Variants in ASIC5 observed in about 807,000 individuals in gnomAD.
ASIC5 encodes the protein bile acid-sensitive ion channel.
Under a neutral mutation model 51.2 loss-of-function variants are expected in ASIC5, and 52 were observed. The observed-to-expected ratio is 1.02, with a 90% CI of 0.81 to 1.28. The LOEUF (loss-of-function observed/expected upper bound fraction) is 1.28. ASIC5 is among the 50% of genes most tolerant of loss of function. The pLI is 0.00. For missense variants in ASIC5, 635 were observed against 595.0 expected, an observed-to-expected ratio of 1.07 and a Z score of -0.70; for synonymous variants, 231 against 200.7, an observed-to-expected ratio of 1.15 and a Z score of -1.28.
At chr4:155,865,876 C>T (rs1175194833) in intron 1 of ASIC5, among the ~76,000 whole-genome samples, 1 of 151,968 alleles carries the variant, frequency 6.6e-6, no homozygotes, top group Non-Finnish European at 1.5e-5. Context: ...ATCAAATCAG[C>T]TTTGTTACAT....
intron 2 of ASIC5, 69 bp from the exon 3 acceptor site, chr4:155,854,383 A>C: frequency 9.2e-7 from 1 of 1,091,450 alleles, no homozygotes; most frequent in East Asian, 2.4e-5. Context: ...ACAGATACCA[A>C]CATCTAGATT....
intron 1 of ASIC5, chr4:155,864,624 G>T (rs950482884): frequency 6.6e-6 from 1 of 152,102 alleles, no homozygotes; most frequent in Non-Finnish European, 1.5e-5. Context: ...CTTATAACCT[G>T]CACAACTTTA....
chr4:155,858,268 A>G (rs941675425), intron 2 of ASIC5, among the ~76,000 whole-genome samples: 5 of 152,076 alleles, frequency 3.3e-5, no homozygotes, highest in African/African-American at 4.8e-5. Flanking sequence ...ATTTCTGCCA[A>G]TTGTATTCTT....
At position 155,863,525 on chromosome 4, in the gene ASIC5, C is replaced by T; in HGVS notation, c.270G>A (p.Trp90Ter). 6.2e-7 allele frequency: 1 copy of T among 1,613,664 alleles called. No homozygotes were observed. Residue 90 changes from tryptophan (W) to a stop codon, truncating the protein, a stop_gained, in exon 2 of 10, where the codon TGG becomes TGA. Transcript: ENST00000537611. LOFTEE classifies it high-confidence loss of function. ...GAACCTCAATGGACGTTGTGGTTGGCCATGTGAAGTAGTTGAGCAAGCGAA... is the reference window on the plus strand; with the variant it reads ...GAACCTCAATGGACGTTGTGGTTGGTCATGTGAAGTAGTTGAGCAAGCGAA... ...IYIRLLNYFT[W>*]PTTTSIEVQY...
At chr4:155,863,930 A>T (rs1316886266) in intron 1 of ASIC5, among the ~76,000 whole-genome samples, 176 bp from the exon 2 acceptor site, 1 of 152,192 alleles carries the variant, frequency 6.6e-6, no homozygotes, top group East Asian at 1.9e-4. Context: ...CAAGAAGTGT[A>T]AGTGTTGGCT....
chr4:155,863,690 C>G lies in ASIC5; in HGVS notation c.105G>C (p.Lys35Asn), dbSNP rs762956499. The change falls in exon 2 of 10, where the codon AAG becomes AAC. Residue 35 changes from lysine (K) to asparagine (N), a missense_variant. Lys to Asn is a moderately conservative substitution (Grantham distance 94, BLOSUM62 0). Transcript: ENST00000537611. ...KKPLPSPTER[K>N]KFDHDFAIST... ...AGATGGCAAAGTCATGGTCAAACTT[C>G]TTTCGCTCAGTGGGAGATGGCAGTG... The G allele has an allele frequency of 6.2e-7, 1 of 1,613,964 alleles. No homozygotes were observed.
rs563612573 is a variant in ASIC5 at position 155,836,676 on chromosome 4, C to T, written c.1235+13G>A. On this transcript the variant is annotated intron_variant, in intron 8 of 9. Transcript: ENST00000537611. ...TGTTAATTATCAATAATTTAAAAGG[C>T]TAGTAAGGTTACCTGATGTATTTCC... is the stretch of plus-strand genomic sequence containing the variant. 20 of 1,544,488 alleles carry T rather than the reference C, an allele frequency of 1.3e-5. No individual in the cohort carries two copies. Among genetic ancestry groups the T allele is most frequent in the Admixed American group, 5.3e-5 (3 of 56,450 alleles).
rs1176439497 is a variant in ASIC5, at chr4:155,854,272, G to GA, written c.389dup (p.Trp132MetfsTer21). On this transcript the variant is annotated frameshift_variant, in exon 3 of 10. Coordinates refer to ENST00000537611, the MANE Select transcript of ASIC5 (RefSeq NM_017419.3). LOFTEE classifies it high-confidence loss of function. ...GGACTTTGGATACAATGTGCCATAAGAAAAAAATAACACCAAATTTGGCTA... is the reference window on the plus strand; with the variant it reads ...GGACTTTGGATACAATGTGCCATAAGAAAAAAAATAACACCAAATTTGGCTA... 10 of 1,612,796 alleles carry GA rather than the reference G, an allele frequency of 6.2e-6. No individual in the cohort carries two copies. The highest frequency in any genetic ancestry group is 8.5e-6 in the Non-Finnish European group (10 of 1,179,320).
At chr4:155,834,923 A>C (rs948472956) in intron 8 of ASIC5, among the ~76,000 whole-genome samples, 1 of 151,998 alleles carries the variant, frequency 6.6e-6, no homozygotes, top group African/African-American at 2.4e-5. Context: ...TCAGAGAAGA[A>C]TCTAGTCACA....
In ASIC5 at chr4:155,843,708, G is replaced by GTGCA. The variant is rs756623358; in HGVS notation, c.830_833dup (p.Val281LysfsTer22). 8.7e-6 allele frequency: 14 copies of GTGCA among 1,613,428 alleles called. No homozygotes were observed. The South Asian group carries it at 1.5e-4, about 18-fold the overall frequency. Reference sequence around the variant, plus strand: ...TCACTTGGCGGATGGTTACCCTTGCGTGCATTCCCACAGGTGACAACAAGC... The same window carrying GTGCA: ...TCACTTGGCGGATGGTTACCCTTGCGTGCATGCATTCCCACAGGTGACAACAAGC... On this transcript the variant is annotated frameshift_variant, in exon 5 of 10. Transcript: ENST00000537611. LOFTEE classifies it high-confidence loss of function.
rs376616677 is a variant in ASIC5 at position 155,852,214 on chromosome 4, T to G, written c.688A>C (p.Ser230Arg). The change falls in exon 4 of 10, where the codon AGC becomes CGC. Residue 230 changes from serine (S) to arginine (R), a missense_variant. Transcript: ENST00000537611. The part of the protein sequence containing the change: ...RKVSVSGRGL[S>R]LLFNVNQEAF... ...ACCTGATTCACATTGAAGAGTAAGCTCAAACCTCTTCCAGAGACACTCACT... is the reference window on the plus strand; with the variant it reads ...ACCTGATTCACATTGAAGAGTAAGCGCAAACCTCTTCCAGAGACACTCACT... The G allele has an allele frequency of 4.3e-6, 7 of 1,611,540 alleles. No homozygotes were observed. The highest frequency in any genetic ancestry group is 5.9e-6 in the Non-Finnish European group (7 of 1,178,676).
In ASIC5 at chr4:155,863,624, C is replaced by T. The variant is rs1741779040; in HGVS notation, c.171G>A (p.Arg57=). 1 of 1,613,742 alleles carries T rather than the reference C, an allele frequency of 6.2e-7. No individual in the cohort carries two copies. Among genetic ancestry groups the T allele is most frequent in the Non-Finnish European group, 8.5e-7 (1 of 1,179,900 alleles). ...ACCAGAGCACCCTGCGAATTTTGCT[C>T]CGGTTCTGAACAATATTGTGTATCC... ...FHGIHNIVQN[R]SKIRRVLWLV... is the part of the protein sequence containing the mutation. Residue 57 remains arginine, a synonymous_variant, in exon 2 of 10, where the codon CGG becomes CGA. Coordinates refer to ENST00000537611, the MANE Select transcript of ASIC5 (RefSeq NM_017419.3).
chr4:155,830,504 A>C (rs1330131802), intron 9 of ASIC5, among the ~76,000 whole-genome samples: 1 of 152,172 alleles, frequency 6.6e-6, no homozygotes, highest in African/African-American at 2.4e-5. Context: ...ATTTCCTTTA[A>C]CCAAAAATTA....
intron 8 of ASIC5, among the ~76,000 whole-genome samples, chr4:155,836,234 G>T (rs1166498925): frequency 1.3e-5 from 2 of 152,080 alleles, no homozygotes; most frequent in African/African-American, 4.8e-5. Flanking sequence ...TTCTTTCTGG[G>T]CCCCTGACTA....
rs1369142188 is a variant in ASIC5, at chr4:155,838,790, ATAAAAG to A, written c.1066+17_1066+22del. The A allele has an allele frequency of 4.7e-6, 7 of 1,487,578 alleles. No homozygotes were observed. The African/African-American group carries it at 9.8e-5, about 21-fold the overall frequency. 92.1% of individuals were successfully genotyped at this position (1,487,578 alleles called of 1,614,324 possible). On this transcript the variant is annotated intron_variant, in intron 7 of 9. Transcript: ENST00000537611. Reference sequence around the variant, plus strand: ...AGCAACTTTAATATAAATCCTGAAAATAAAAGTAAATTAAGCACTTACCAAGTACAG... The same window carrying A: ...AGCAACTTTAATATAAATCCTGAAAATAAATTAAGCACTTACCAAGTACAG...
intron 4 of ASIC5, among the ~76,000 whole-genome samples, chr4:155,844,235 A>T (rs1204863772): frequency 6.6e-6 from 1 of 151,620 alleles, no homozygotes. Context: ...AACTCCAGGA[A>T]CTCTTTCCTC....
chr4:155,843,590 C>T, intron 5 of ASIC5, 91 bp downstream of exon 5: 2 of 1,410,174 alleles, frequency 1.4e-6, no homozygotes, highest in East Asian at 2.3e-5. Flanking sequence ...GTTTTACAGG[C>T]ATGGGAGAAA....
Position 155,863,717 on chromosome 4 carries a change from T to C in ASIC5, c.78A>G (p.Lys26=). 1.2e-6 allele frequency: 2 copies of C among 1,613,808 alleles called. No individual in the cohort carries two copies. Among genetic ancestry groups the C allele is most frequent in the Non-Finnish European group, 1.7e-6 (2 of 1,179,862 alleles). The change falls in exon 2 of 10, where the codon AAA becomes AAG. Residue 26 remains lysine, a synonymous_variant. Transcript: ENST00000537611. The stretch of plus-strand genomic sequence containing the variant: ...TTCGCTCAGTGGGAGATGGCAGTGG[T>C]TTCTTTGAAAGGCAAAGCTTTATCT... The part of the protein sequence containing the change: ...LEKIKLCLSK[K]PLPSPTERKK...
At chr4:155,844,363 A>T (rs7694535) in intron 4 of ASIC5, among the ~76,000 whole-genome samples, 10,922 of 152,078 alleles carry the variant, frequency 0.072, 1,023 homozygotes, top group African/African-American at 0.22. Flanking sequence ...TTTCCACTGC[A>T]TCCACCAAGG....
Sources: gnomAD v4.1 joint callset for allele counts (sites outside exome capture counted in the v4.1 genomes callset) on GRCh38, gnomAD v4.1.1 for gene constraint, MANE v1.5 for transcripts, NCBI Gene and HGNC (gene_info 2026-07-23, HGNC 2026-07-21) for gene names.